Variants in LPP observed in about 807,000 individuals in gnomAD.
The protein encoded by LPP is lipoma-preferred partner.
In LPP, 38 loss-of-function variants were observed where a neutral mutation model predicts 60.4. The ratio of observed to expected loss-of-function variants is 0.63; its 90% CI spans 0.49 to 0.83. The LOEUF (loss-of-function observed/expected upper bound fraction) is 0.83. LPP is among the 40% of genes least tolerant of loss of function. The pLI is 0.00. For synonymous variants in LPP, 328 were observed against 290.8 expected (o/e 1.13, Z -1.30); for missense variants, 902 against 783.6 (o/e 1.15, Z -1.80).
chr3:188,577,745 G>GTTCC (rs1337923679), intron 6 of LPP, among the ~76,000 whole-genome samples: 11,931 of 68,210 alleles, frequency 0.17, 1,039 homozygotes, highest in South Asian at 0.23. Context: ...TCCTTCCTTT[G>GTTCC]TTCCTTCGTT....
At chr3:188,607,075 T>C (rs1842521753) in intron 6 of LPP, among the ~76,000 whole-genome samples, 1 of 151,466 alleles carries the variant, frequency 6.6e-6, no homozygotes, top group African/African-American at 2.4e-5. Context: ...AAAGTAACTT[T>C]TTTTTTATAA....
In LPP at chr3:188,221,769, T is replaced by A. The variant is rs1392075148; in HGVS notation, c.-189-3636T>A. ...AATTCAGGAAAGATTTACTTGCTGT[T>A]AATGTGAACTTTTAAAAAAATAGTT... On this transcript the variant is annotated intron_variant, in intron 1 of 11. Coordinates refer to ENST00000617246, the MANE Select transcript of LPP (RefSeq NM_001375462.1). 2.0e-5 allele frequency among the ~76,000 whole-genome samples: 3 copies of A among 152,222 alleles called. No individual in the cohort carries two copies. In the East Asian group the frequency reaches 5.8e-4, roughly 29 times the overall value.
intron 9 of LPP, among the ~76,000 whole-genome samples, chr3:188,836,825 G>T (rs765823231): frequency 2.0e-4 from 31 of 152,112 alleles, no homozygotes; most frequent in Non-Finnish European, 2.2e-4. Context: ...TTGGTTCCCG[G>T]GTTTCATGGT....
At chr3:188,692,179 C>T (rs1318404942) in intron 7 of LPP, among the ~76,000 whole-genome samples, 2 of 152,178 alleles carry the variant, frequency 1.3e-5, no homozygotes, top group Non-Finnish European at 2.9e-5. Context: ...TTTCTTCAGC[C>T]TCTATAGAGC....
intron 9 of LPP, among the ~76,000 whole-genome samples, chr3:188,781,878 C>T (rs1217804688): frequency 7.2e-6 from 1 of 138,480 alleles, no homozygotes; most frequent in Non-Finnish European, 1.5e-5. Flanking sequence ...GGCGACAGAG[C>T]AAGACTCCGT....
chr3:188,746,607 T>C, intron 8 of LPP: 1 of 471,896 alleles, frequency 2.1e-6, no homozygotes, highest in Non-Finnish European at 4.2e-6. Context: ...ATCACATAGC[T>C]GATGCAAGAA....
rs1451802585 is a variant in LPP, at chr3:188,609,922, A to T, written c.1113+78A>T. The T allele has an allele frequency of 1.5e-6, 2 of 1,369,542 alleles. No individual in the cohort carries two copies. Among genetic ancestry groups the T allele is most frequent in the Admixed American group, 2.2e-5 (1 of 44,628 alleles). 84.8% of individuals were successfully genotyped at this position (1,369,542 alleles called of 1,614,324 possible). A position where few individuals can be genotyped will look rare whatever the true frequency, so the allele number is the denominator to read the frequency against. On this transcript the variant is annotated intron_variant, in intron 7 of 11. Coordinates refer to ENST00000617246, the MANE Select transcript of LPP (RefSeq NM_001375462.1). This position sits in a 1 kb window ranked among gnomAD's most constrained non-coding sequence, Gnocchi z 6.9. Reference sequence around the variant, plus strand: ...TGCCTTCCCCAGGAAGCGAAGCCTAAGGCAAAAGTGTGTGTGTTACTTTTA... The same window carrying T: ...TGCCTTCCCCAGGAAGCGAAGCCTATGGCAAAAGTGTGTGTGTTACTTTTA...
At chr3:188,739,169 G>A (rs907429637) in intron 8 of LPP, among the ~76,000 whole-genome samples, 1 of 151,996 alleles carries the variant, frequency 6.6e-6, no homozygotes, top group African/African-American at 2.4e-5. Flanking sequence ...GCTTTGGGGG[G>A]TATACAGAAA....
At chr3:188,248,468 T>TTATATATATATGTATATATA (rs1727828607) in intron 2 of LPP, among the ~76,000 whole-genome samples, 1 of 84,142 alleles carries the variant, frequency 1.2e-5, no homozygotes, top group Non-Finnish European at 2.2e-5. Flanking sequence ...CAGTATAACT[T>TTATATATATATGTATATATA]TATATATATA....
At chr3:188,545,830 T>C (rs938540622) in intron 6 of LPP, among the ~76,000 whole-genome samples, 8 of 152,122 alleles carry the variant, frequency 5.3e-5, no homozygotes, top group African/African-American at 1.9e-4. Flanking sequence ...ACACTGTTGA[T>C]TGAGGTCCAC....
chr3:188,736,498 T>C (rs531732977), intron 8 of LPP, among the ~76,000 whole-genome samples: 4 of 152,150 alleles, frequency 2.6e-5, no homozygotes, highest in Non-Finnish European at 5.9e-5. Flanking sequence ...TTTTCACTTA[T>C]GAAATTAGCA....
At position 188,673,107 on chromosome 3, in the gene LPP, G is replaced by C. The variant is rs968153022; in HGVS notation, c.1114-35160G>C. On this transcript the variant is annotated intron_variant, in intron 7 of 11. Transcript: ENST00000617246. ...CATATAAATAACTTTCTTATCACTG[G>C]TTATATGCTTTGAAGGAGTACAAAT... is the stretch of plus-strand genomic sequence containing the variant. Among the ~76,000 whole-genome samples the C allele has an allele frequency of 2.0e-5, 3 of 152,200 alleles. No individual in the cohort carries two copies. The East Asian group carries it at 5.8e-4, about 29-fold the overall frequency.
intron 5 of LPP, 102 bp from the exon 6 acceptor site, chr3:188,524,563 A>T: frequency 8.1e-7 from 1 of 1,236,430 alleles, no homozygotes; most frequent in Non-Finnish European, 1.1e-6. Flanking sequence ...AAAGAGGTGC[A>T]GAAAAACTTG....
chr3:188,664,442 T>C (rs1168277464), intron 7 of LPP, among the ~76,000 whole-genome samples: 1 of 152,262 alleles, frequency 6.6e-6, no homozygotes, highest in African/African-American at 2.4e-5. Flanking sequence ...AAAAGACTTC[T>C]GGTTTTAATA....
At chr3:188,513,565 CTTA>C (rs1028178366) in intron 5 of LPP, among the ~76,000 whole-genome samples, 2 of 151,724 alleles carry the variant, frequency 1.3e-5, no homozygotes, top group African/African-American at 4.8e-5. Flanking sequence ...TGTATTGTTC[CTTA>C]TTATTATCTA....
chr3:188,222,853 G>A (rs910539319), intron 1 of LPP, among the ~76,000 whole-genome samples: 1 of 152,050 alleles, frequency 6.6e-6, no homozygotes, highest in Non-Finnish European at 1.5e-5. Flanking sequence ...CTTTTGGAGA[G>A]ATACTTGCCA....
intron 3 of LPP, among the ~76,000 whole-genome samples, chr3:188,404,840 C>T (rs913762992): frequency 2.0e-5 from 3 of 152,130 alleles, no homozygotes; most frequent in Admixed American, 6.5e-5. Context: ...GGGTGCCTTC[C>T]GGGCGTCCCT....
rs1438690796 is a variant in LPP, at chr3:188,878,037, T to A, written c.*3558T>A. On this transcript the variant is annotated 3_prime_UTR_variant, in exon 12 of 12. Transcript: ENST00000617246. Reference sequence around the variant, plus strand: ...ACTCTACATTTAAACAAGTATTTTATATTTGGGTACAGAGGAAGAAAGAGA... The same window carrying A: ...ACTCTACATTTAAACAAGTATTTTAAATTTGGGTACAGAGGAAGAAAGAGA... The A allele has an allele frequency of 2.3e-5, 5 of 218,182 alleles. No individual in the cohort carries two copies. Among genetic ancestry groups the A allele is most frequent in the Non-Finnish European group, 4.6e-5 (5 of 108,218 alleles). 13.5% of individuals were successfully genotyped at this position (218,182 alleles called of 1,614,324 possible).
chr3:188,372,884 T>A (rs1242693576), intron 3 of LPP, among the ~76,000 whole-genome samples: 4 of 149,072 alleles, frequency 2.7e-5, no homozygotes, highest in African/African-American at 7.4e-5. Flanking sequence ...CAGGCCCCGG[T>A]GTGTGATGTT....
Sources: gnomAD v4.1 joint callset for allele counts (sites outside exome capture counted in the v4.1 genomes callset) on GRCh38, gnomAD v4.1.1 for gene constraint, Gnocchi (gnomAD v3.1) non-coding constraint, MANE v1.5 for transcripts, NCBI Gene and HGNC (gene_info 2026-07-23, HGNC 2026-07-21) for gene names.